Variants in MTUS2 observed in about 807,000 individuals in gnomAD.
MTUS2 encodes the protein microtubule associated scaffold protein 2.
A neutral mutation model predicts 114.1 loss-of-function variants in MTUS2; 40 were observed. That is an observed-to-expected ratio of 0.35 (90% CI 0.27 to 0.46). MTUS2 has a LOEUF of 0.46. MTUS2 is among the 20% of genes least tolerant of loss of function. The probability of loss-of-function intolerance (pLI) is 1.00; values close to 1 mark genes in which losing one functional copy is unlikely to be tolerated. For synonymous variants in MTUS2, 688 were observed against 672.0 expected (o/e 1.02, Z -0.37); for missense variants, 1,679 against 1,705.4 (o/e 0.98, Z 0.27).
At chr13:28,919,005 T>A (rs190253029) in intron 2 of MTUS2, among the ~76,000 whole-genome samples, 1 of 152,236 alleles carries the variant, frequency 6.6e-6, no homozygotes, top group Admixed American at 6.5e-5. Flanking sequence ...AACTTTTTGT[T>A]GTTTCTCTTT....
At chr13:28,825,577 A>G (rs2137929380) in intron 1 of MTUS2, among the ~76,000 whole-genome samples, 2 of 151,646 alleles carry the variant, frequency 1.3e-5, no homozygotes, top group South Asian at 4.2e-4. Flanking sequence ...CCAGAACAAC[A>G]CACACACACA....
chr13:29,406,270 C>A lies in MTUS2; in HGVS notation c.3118-33713C>A, dbSNP rs561714720. On this transcript the variant is annotated intron_variant, in intron 8 of 15. Coordinates refer to ENST00000612955, the MANE Select transcript of MTUS2 (RefSeq NM_001033602.4). The stretch of plus-strand genomic sequence containing the variant: ...AAACACTTACTACCCCACTGAGGGT[C>A]GGGTATCTGGGAGAGACTTAGCCAG... Among the ~76,000 whole-genome samples, 13 of 152,184 alleles carry A rather than the reference C, an allele frequency of 8.5e-5. No homozygotes were observed. The East Asian group carries it at 2.5e-3, about 29-fold the overall frequency.
intron 5 of MTUS2, among the ~76,000 whole-genome samples, chr13:29,200,457 T>C (rs1894895056): frequency 2.0e-5 from 3 of 151,728 alleles, no homozygotes; most frequent in Admixed American, 2.0e-4. Context: ...TACCCAGTAG[T>C]CATTCAGGAG....
At chr13:29,442,585 G>A (rs1877965763) in intron 9 of MTUS2, among the ~76,000 whole-genome samples, 1 of 151,848 alleles carries the variant, frequency 6.6e-6, no homozygotes, top group African/African-American at 2.4e-5. Context: ...GGGATGAAGT[G>A]TGAGCTAGTG....
At chr13:28,949,882 G>A (rs1167375666) in intron 2 of MTUS2, among the ~76,000 whole-genome samples, 1 of 152,160 alleles carries the variant, frequency 6.6e-6, no homozygotes, top group Non-Finnish European at 1.5e-5. Flanking sequence ...CTGCATTTTG[G>A]CTATTGTGAC....
intron 2 of MTUS2, among the ~76,000 whole-genome samples, chr13:28,897,580 T>C (rs1476221175): frequency 6.6e-6 from 1 of 152,078 alleles, no homozygotes; most frequent in Non-Finnish European, 1.5e-5. Context: ...ATCATGCTGC[T>C]ATAAAGACAC....
intron 6 of MTUS2, among the ~76,000 whole-genome samples, chr13:29,286,699 T>TATCTATCTATCTATCTATC (rs1566110757): frequency 6.6e-6 from 1 of 151,944 alleles, no homozygotes; most frequent in Admixed American, 6.5e-5. Flanking sequence ...TCTATCTATC[T>TATCTATCTATCTATCTATC]TACTTATTTG....
chr13:29,259,186 T>C (rs1362749616), intron 5 of MTUS2, among the ~76,000 whole-genome samples: 1 of 152,196 alleles, frequency 6.6e-6, no homozygotes, highest in African/African-American at 2.4e-5. Flanking sequence ...GAAGGTAGAA[T>C]GTGTGTGATA....
chr13:29,339,035 T>C (rs1901235735), intron 7 of MTUS2, among the ~76,000 whole-genome samples: 1 of 152,068 alleles, frequency 6.6e-6, no homozygotes, highest in Non-Finnish European at 1.5e-5. Context: ...TGAGGCAGTC[T>C]GGAGGCTCAG....
intron 8 of MTUS2, among the ~76,000 whole-genome samples, chr13:29,381,361 T>A (rs1872190596): frequency 6.6e-6 from 1 of 152,190 alleles, no homozygotes; most frequent in Non-Finnish European, 1.5e-5. Flanking sequence ...GCTATAGTGC[T>A]TATAGCATAT....
chr13:29,341,820 T>TC (rs1901416015), intron 7 of MTUS2, among the ~76,000 whole-genome samples: 1 of 152,172 alleles, frequency 6.6e-6, no homozygotes, highest in Admixed American at 6.5e-5. Context: ...GAGTTGATTT[T>TC]CTTGTATAAG....
intron 3 of MTUS2, among the ~76,000 whole-genome samples, chr13:29,027,999 C>A (rs1057333063): frequency 6.6e-6 from 1 of 152,164 alleles, no homozygotes; most frequent in Non-Finnish European, 1.5e-5. Context: ...TCCTTCGAGA[C>A]CTCAGAACTA....
intron 5 of MTUS2, among the ~76,000 whole-genome samples, chr13:29,266,553 A>G (rs1298668246): frequency 6.6e-6 from 1 of 152,226 alleles, no homozygotes; most frequent in Admixed American, 6.5e-5. Context: ...AAATTTTGAT[A>G]AACTCTGATT....
At chr13:29,385,974 C>T (rs1171029856) in intron 8 of MTUS2, among the ~76,000 whole-genome samples, 1 of 152,092 alleles carries the variant, frequency 6.6e-6, no homozygotes, top group African/African-American at 2.4e-5. Context: ...GCACAGGGGC[C>T]CTCAGCTTCT....
chr13:29,327,938 C>T (rs1304372814), intron 7 of MTUS2, among the ~76,000 whole-genome samples: 2 of 152,140 alleles, frequency 1.3e-5, no homozygotes, highest in African/African-American at 4.8e-5. Flanking sequence ...ATAGGTGTGT[C>T]ATGATACCTC....
chr13:29,454,074 A>ATT (rs1878935758), intron 9 of MTUS2, among the ~76,000 whole-genome samples: 1 of 152,216 alleles, frequency 6.6e-6, no homozygotes, highest in African/African-American at 2.4e-5. Flanking sequence ...TTTGATAAGA[A>ATT]TTGCACTTTT....
At chr13:29,335,241 C>T (rs186521082) in intron 7 of MTUS2, among the ~76,000 whole-genome samples, 132 of 152,210 alleles carry the variant, frequency 8.7e-4, no homozygotes, top group Non-Finnish European at 1.2e-3. Context: ...CTTTTACGGT[C>T]GTAGATAAGG....
At chr13:28,908,993 T>C (rs558894620) in intron 2 of MTUS2, among the ~76,000 whole-genome samples, 1 of 151,620 alleles carries the variant, frequency 6.6e-6, no homozygotes, top group Non-Finnish European at 1.5e-5. Flanking sequence ...AAAGATCAGA[T>C]GGTTATAGAT....
At chr13:29,134,428 C>T (rs866644536) in intron 5 of MTUS2, among the ~76,000 whole-genome samples, 4 of 152,178 alleles carry the variant, frequency 2.6e-5, no homozygotes, top group Non-Finnish European at 4.4e-5. Flanking sequence ...TACTTATCTT[C>T]TGTCTGGGTT....
Sources: gnomAD v4.1 joint callset for allele counts (sites outside exome capture counted in the v4.1 genomes callset) on GRCh38, gnomAD v4.1.1 for gene constraint, MANE v1.5 for transcripts, NCBI Gene and HGNC (gene_info 2026-07-23, HGNC 2026-07-21) for gene names.